Variants in CDH9 observed in about 807,000 individuals in gnomAD.
The protein encoded by CDH9 is cadherin 9, also known as cadherin-9.
Under a neutral mutation model 70.9 loss-of-function variants are expected in CDH9, and 28 were observed. The observed-to-expected ratio is 0.40, with a 90% CI of 0.29 to 0.54. The LOEUF (loss-of-function observed/expected upper bound fraction) is 0.54. Ranked by LOEUF, CDH9 falls within the 20% of genes least tolerant of loss-of-function variation. The pLI is 0.59. For synonymous variants in CDH9, 409 were observed against 343.1 expected (o/e 1.19, Z -2.12); for missense variants, 874 against 984.4 (o/e 0.89, Z 1.50).
chr5:26,954,644 A>T (rs555934368), intron 2 of CDH9, among the ~76,000 whole-genome samples: 31 of 152,102 alleles, frequency 2.0e-4, no homozygotes, highest in Non-Finnish European at 3.5e-4. Context: ...TCGGCCTCCT[A>T]AAGTGCAGGG....
chr5:26,950,873 T>C (rs138361778), intron 2 of CDH9, among the ~76,000 whole-genome samples: 167 of 152,188 alleles, frequency 1.1e-3, no homozygotes, highest in African/African-American at 3.8e-3. Flanking sequence ...TGGCACAGAG[T>C]ATAAGGCAGA....
At chr5:26,883,466 A>G (rs1162452756) in intron 11 of CDH9, among the ~76,000 whole-genome samples, 4 of 151,938 alleles carry the variant, frequency 2.6e-5, no homozygotes, top group Non-Finnish European at 5.9e-5. Context: ...ATAAGAAATG[A>G]AAAAAAGTAC....
chr5:26,909,085 G>A (rs1268476028), intron 3 of CDH9, among the ~76,000 whole-genome samples: 1 of 152,064 alleles, frequency 6.6e-6, no homozygotes, highest in African/African-American at 2.4e-5. Context: ...CCGGGTTCAC[G>A]CCATTCTCCT....
chr5:26,957,718 T>G (rs923267446), intron 2 of CDH9, among the ~76,000 whole-genome samples: 2 of 152,214 alleles, frequency 1.3e-5, no homozygotes, highest in Non-Finnish European at 2.9e-5. Flanking sequence ...TTGAATTACA[T>G]GCTATTTTCT....
chr5:26,901,099 C>T (rs966459878), intron 7 of CDH9, among the ~76,000 whole-genome samples: 1 of 151,846 alleles, frequency 6.6e-6, no homozygotes, highest in African/African-American at 2.4e-5. Flanking sequence ...CATTTTATTT[C>T]AAGAGTTTTA....
intron 1 of CDH9, among the ~76,000 whole-genome samples, chr5:27,001,858 T>A (rs796446081): frequency 1.5e-4 from 22 of 151,604 alleles, no homozygotes; most frequent in South Asian, 1.2e-3. Flanking sequence ...TCTCTCTCTC[T>A]CTCTCTCTCT....
At chr5:26,886,457 C>T (rs867413580) in intron 9 of CDH9, among the ~76,000 whole-genome samples, 1 of 151,970 alleles carries the variant, frequency 6.6e-6, no homozygotes, top group Admixed American at 6.6e-5. Context: ...TTCCACTAGA[C>T]AATAATTCTT....
intron 1 of CDH9, among the ~76,000 whole-genome samples, chr5:27,037,080 C>T (rs1332139043): frequency 1.3e-5 from 2 of 151,940 alleles, no homozygotes; most frequent in Non-Finnish European, 2.9e-5. Flanking sequence ...TCTTCTTCTG[C>T]AGAATGTAGG....
chr5:27,012,528 A>G (rs1229631084), intron 1 of CDH9, among the ~76,000 whole-genome samples: 6 of 152,016 alleles, frequency 3.9e-5, no homozygotes, highest in Non-Finnish European at 8.8e-5. Flanking sequence ...GCCAATTTAA[A>G]TGTTACTATA....
chr5:26,919,499 A>G (rs1222377026), intron 2 of CDH9, among the ~76,000 whole-genome samples: 1 of 152,116 alleles, frequency 6.6e-6, no homozygotes, highest in Non-Finnish European at 1.5e-5. Context: ...TAGGCCACAA[A>G]AATTGTAATT....
rs1415685156 is a variant in CDH9 at position 26,890,026 on chromosome 5, G to T, written c.1391-69C>A. ...AAGCAGTGAAACCACTCACCCATTT[G>T]TAGCTTAGCAACAGATCCTTTTTGT... On this transcript the variant is annotated intron_variant, in intron 8 of 11. Coordinates refer to ENST00000231021, the MANE Select transcript of CDH9 (RefSeq NM_016279.4). 7 of 1,439,566 alleles carry T rather than the reference G, an allele frequency of 4.9e-6. No individual in the cohort carries two copies. In the East Asian group the frequency reaches 9.2e-5, roughly 19 times the overall value. The allele number at this position is 1,439,566 out of a possible 1,614,324, so 89.2% of individuals were successfully genotyped here.
chr5:26,891,314 T>TA (rs1579664973), intron 7 of CDH9, among the ~76,000 whole-genome samples: 1 of 152,214 alleles, frequency 6.6e-6, no homozygotes, highest in Non-Finnish European at 1.5e-5. Context: ...TGATTAAGGT[T>TA]AAAACACTGA....
At chr5:26,950,385 A>T (rs1264753500) in intron 2 of CDH9, among the ~76,000 whole-genome samples, 4 of 152,220 alleles carry the variant, frequency 2.6e-5, no homozygotes, top group Non-Finnish European at 5.9e-5. Flanking sequence ...TTGATAATTC[A>T]TTTATAGTAT....
intron 1 of CDH9, among the ~76,000 whole-genome samples, chr5:26,990,249 A>T (rs1742558722): frequency 6.6e-6 from 1 of 152,174 alleles, no homozygotes. Context: ...GGTAATTGGC[A>T]GGTGGTATTA....
In CDH9 at chr5:26,902,745, A is replaced by G. The variant is rs1455539531; in HGVS notation, c.1000-16T>C. 2.1e-6 allele frequency: 3 copies of G among 1,431,722 alleles called. No homozygotes were observed. The highest frequency in any genetic ancestry group is 1.7e-5 in the Admixed American group (1 of 57,680). 88.7% of individuals were successfully genotyped at this position (1,431,722 alleles called of 1,614,324 possible). Reference sequence around the variant, plus strand: ...AATCTAAATTCTGGAGTTAAATAACATAAAAGAAATTAGCATAATTCAGAA... The same window carrying G: ...AATCTAAATTCTGGAGTTAAATAACGTAAAAGAAATTAGCATAATTCAGAA... On this transcript the variant is annotated splice_polypyrimidine_tract_variant and intron_variant, in intron 6 of 11. Coordinates refer to ENST00000231021, the MANE Select transcript of CDH9 (RefSeq NM_016279.4).
At chr5:27,014,335 G>A (rs1304165689) in intron 1 of CDH9, among the ~76,000 whole-genome samples, 3 of 151,912 alleles carry the variant, frequency 2.0e-5, no homozygotes, top group Admixed American at 1.3e-4. Flanking sequence ...TATCTGAAGA[G>A]TTCCCATGAT....
intron 1 of CDH9, chr5:27,028,405 A>T (rs879592773): frequency 1.3e-5 from 2 of 152,050 alleles, no homozygotes; most frequent in Admixed American, 1.3e-4. Flanking sequence ...CCTTGGTAAC[A>T]ATAAATACCC....
At chr5:26,888,853 G>A (rs1740607512) in intron 9 of CDH9, among the ~76,000 whole-genome samples, 1 of 152,052 alleles carries the variant, frequency 6.6e-6, no homozygotes, top group African/African-American at 2.4e-5. Flanking sequence ...ACGAATTCAG[G>A]GACAGGGAGA....
intron 7 of CDH9, among the ~76,000 whole-genome samples, chr5:26,893,683 T>A (rs1224779369): frequency 1.2e-5 from 1 of 83,400 alleles, no homozygotes; most frequent in South Asian, 6.5e-4. Context: ...ATATATATAT[T>A]TTATTTTATT....
Sources: gnomAD v4.1 joint callset for allele counts (sites outside exome capture counted in the v4.1 genomes callset) on GRCh38, gnomAD v4.1.1 for gene constraint, MANE v1.5 for transcripts, NCBI Gene and HGNC (gene_info 2026-07-23, HGNC 2026-07-21) for gene names.